Variants in GTF2A2 observed in about 807,000 individuals in gnomAD.
GTF2A2 encodes the protein general transcription factor IIA subunit 2.
Under a neutral mutation model 14.3 loss-of-function variants are expected in GTF2A2, and 9 were observed. The ratio of observed to expected loss-of-function variants is 0.63; its 90% CI spans 0.38 to 1.10. The LOEUF (loss-of-function observed/expected upper bound fraction) is 1.10, where lower values mean the gene tolerates loss of function less well. Among genes scored for constraint, GTF2A2 ranks in the 50% least tolerant of loss-of-function variants. The pLI is 0.01. For synonymous variants in GTF2A2, 56 were observed against 46.0 expected (o/e 1.22, Z -0.88); for missense variants, 90 against 124.6 (o/e 0.72, Z 1.32).
chr15:59,642,121 A>T lies in GTF2A2; in HGVS notation c.304+15T>A. 6.3e-7 allele frequency: 1 copy of T among 1,593,878 alleles called. No homozygotes were observed. Among genetic ancestry groups the T allele is most frequent in the Non-Finnish European group, 8.5e-7 (1 of 1,172,106 alleles). On this transcript the variant is annotated intron_variant, in intron 4 of 4. Transcript: ENST00000396060. Reference sequence around the variant, plus strand: ...GGTTTCAAGTAGCTTTCACAGAAATAAGGCAAGCACTTACTTTTACCATCA... The same window carrying T: ...GGTTTCAAGTAGCTTTCACAGAAATTAGGCAAGCACTTACTTTTACCATCA...
chr15:59,640,692 T>C (rs1052066550), intron 4 of GTF2A2, among the ~76,000 whole-genome samples: 8 of 152,116 alleles, frequency 5.3e-5, no homozygotes, highest in Non-Finnish European at 1.0e-4. Context: ...TATAAATTAA[T>C]CCCTGAATTC....
intron 3 of GTF2A2, among the ~76,000 whole-genome samples, chr15:59,650,447 A>G (rs1891756494): frequency 6.6e-6 from 1 of 152,240 alleles, no homozygotes; most frequent in Non-Finnish European, 1.5e-5. Flanking sequence ...TTGTGAAACA[A>G]TGAAATAAAA....
At chr15:59,647,930 G>A (rs1891660078) in intron 3 of GTF2A2, among the ~76,000 whole-genome samples, 1 of 152,148 alleles carries the variant, frequency 6.6e-6, no homozygotes, top group Admixed American at 6.5e-5. Context: ...AAAAAACAGG[G>A]AAAAGGAAAC....
intron 2 of GTF2A2, 41 bp from the exon 3 acceptor site, chr15:59,650,814 C>T (rs1372878461): frequency 9.8e-7 from 1 of 1,017,926 alleles, no homozygotes; most frequent in South Asian, 1.3e-5. Flanking sequence ...TAAGGAAGAA[C>T]ATTAAAGACA....
At chr15:59,643,571 T>C (rs1378841135) in intron 3 of GTF2A2, among the ~76,000 whole-genome samples, 1 of 150,278 alleles carries the variant, frequency 6.7e-6, no homozygotes, top group African/African-American at 2.4e-5. Context: ...ATATATATAC[T>C]TGAGCATCAA....
chr15:59,648,918 A>G (rs1891704588), intron 3 of GTF2A2, among the ~76,000 whole-genome samples: 1 of 152,192 alleles, frequency 6.6e-6, no homozygotes, highest in South Asian at 2.1e-4. Context: ...TGGGCGACAG[A>G]GCAAGACTCT....
chr15:59,653,766 C>T (rs1350312855), intron 1 of GTF2A2, among the ~76,000 whole-genome samples: 1 of 152,300 alleles, frequency 6.6e-6, no homozygotes, highest in East Asian at 1.9e-4. Flanking sequence ...AAGTAGGTAG[C>T]TCAAATTCAA....
rs866809030 is a variant in GTF2A2 at position 59,639,058 on chromosome 15, A to G, written c.*74T>C. 49 of 871,718 alleles carry G rather than the reference A, an allele frequency of 5.6e-5. No individual in the cohort carries two copies. The highest frequency in any genetic ancestry group is 2.9e-4 in the Middle Eastern group (1 of 3,410). The allele number at this position is 871,718 out of a possible 1,614,324, so 54.0% of individuals were successfully genotyped here. A position where few individuals can be genotyped will look rare whatever the true frequency, so the allele number is the denominator to read the frequency against. ...ATTTCTGCAATTCTAGAATAAATAA[A>G]AAGTCTCTTCTATGCTTCTCTTCAA... On this transcript the variant is annotated 3_prime_UTR_variant, in exon 5 of 5. Coordinates refer to ENST00000396060, the MANE Select transcript of GTF2A2 (RefSeq NM_004492.3).
intron 2 of GTF2A2, chr15:59,651,528 C>A (rs1036824279): frequency 2.0e-5 from 3 of 152,042 alleles, no homozygotes; most frequent in African/African-American, 7.3e-5. Context: ...AGGGTTAATT[C>A]TCTTAAAATT....
rs555538398 is a variant in GTF2A2, at chr15:59,640,953, G to A, written c.304+1183C>T. Reference sequence around the variant, plus strand: ...AATGATTATTCCTAGGTAACCTTCTGAACTATAACAAGTCCCCAACAATAA... The same window carrying A: ...AATGATTATTCCTAGGTAACCTTCTAAACTATAACAAGTCCCCAACAATAA... On this transcript the variant is annotated intron_variant, in intron 4 of 4. Coordinates refer to ENST00000396060, the MANE Select transcript of GTF2A2 (RefSeq NM_004492.3). Among the ~76,000 whole-genome samples the A allele has an allele frequency of 3.3e-5, 5 of 152,226 alleles. No homozygotes were observed. The East Asian group carries it at 7.7e-4, about 24-fold the overall frequency.
intron 3 of GTF2A2, among the ~76,000 whole-genome samples, chr15:59,643,205 G>C (rs181553463): frequency 2.5e-4 from 37 of 147,236 alleles, no homozygotes. Flanking sequence ...TCAGCCTCCT[G>C]AGTAGCTGGG....
intron 3 of GTF2A2, among the ~76,000 whole-genome samples, chr15:59,648,751 G>A (rs1356752834): frequency 6.6e-6 from 1 of 151,938 alleles, no homozygotes; most frequent in African/African-American, 2.4e-5. Context: ...TGGCAAATAC[G>A]GTGAAACCCC....
chr15:59,655,157 T>C (rs117760511), intron 1 of GTF2A2, among the ~76,000 whole-genome samples: 4 of 152,310 alleles, frequency 2.6e-5, no homozygotes, highest in Non-Finnish European at 4.4e-5. Flanking sequence ...ATTTTCCCTC[T>C]CTGCGGATCA....
chr15:59,640,931 G>A (rs543175135), intron 4 of GTF2A2, among the ~76,000 whole-genome samples: 182 of 135,898 alleles, frequency 1.3e-3, no homozygotes, highest in South Asian at 3.5e-3. Flanking sequence ...TTCTTAGAAT[G>A]ATTATTCCTA....
chr15:59,651,051 G>A (rs1891775965), intron 2 of GTF2A2: 1 of 254,888 alleles, frequency 3.9e-6, no homozygotes, highest in Admixed American at 5.0e-5. Flanking sequence ...GGCTGGAAAG[G>A]AGAAGATAGA....
chr15:59,649,109 C>A (rs1403241910), intron 3 of GTF2A2, among the ~76,000 whole-genome samples: 2 of 152,118 alleles, frequency 1.3e-5, no homozygotes, highest in African/African-American at 4.8e-5. Context: ...GTATTTCTAA[C>A]ACATTATCTT....
At chr15:59,655,723 T>G (rs1336741700) in intron 1 of GTF2A2, among the ~76,000 whole-genome samples, 1 of 152,234 alleles carries the variant, frequency 6.6e-6, no homozygotes, top group Non-Finnish European at 1.5e-5. Context: ...TTCTCACTCC[T>G]GAATCTAGCT....
intron 4 of GTF2A2, 86 bp from the exon 5 acceptor site, chr15:59,639,243 G>A (rs1383877485): frequency 9.8e-6 from 8 of 812,640 alleles, no homozygotes; most frequent in Non-Finnish European, 1.7e-5. Flanking sequence ...TATCAAAAAT[G>A]AGAACACAGG....
At chr15:59,652,556 G>A (rs1365306385) in intron 1 of GTF2A2, among the ~76,000 whole-genome samples, 1 of 152,074 alleles carries the variant, frequency 6.6e-6, no homozygotes, top group African/African-American at 2.4e-5. Context: ...CAGTATAGCT[G>A]TTATATTTAT....
Sources: allele counts gnomAD v4.1 joint callset (sites outside exome capture counted in the v4.1 genomes callset), GRCh38; gene constraint gnomAD v4.1.1; transcripts MANE v1.5; gene names NCBI Gene and HGNC (gene_info 2026-07-23, HGNC 2026-07-21).